Variants in ORC3 observed in about 807,000 individuals in gnomAD.
ORC3 encodes the protein homolog of latheo, Drosophila.
A neutral mutation model predicts 100.7 loss-of-function variants in ORC3; 78 were observed. The ratio of observed to expected loss-of-function variants is 0.77; its 90% CI spans 0.65 to 0.94. The LOEUF is 0.94. Ranked by LOEUF, ORC3 falls within the 40% of genes least tolerant of loss-of-function variation. ORC3 has a pLI of 0.00. For missense variants in ORC3, 789 were observed against 823.9 expected (o/e 0.96, Z 0.52); for synonymous variants, 295 against 289.3 (o/e 1.02, Z -0.20).
At chr6:87,629,367 T>A (rs994018695) in intron 11 of ORC3, among the ~76,000 whole-genome samples, 8 of 152,224 alleles carry the variant, frequency 5.3e-5, no homozygotes, top group Non-Finnish European at 1.0e-4. Flanking sequence ...TTCACCCCTA[T>A]ACATACAATT....
chr6:87,634,116 G>A (rs578042055), intron 11 of ORC3, among the ~76,000 whole-genome samples: 3 of 152,196 alleles, frequency 2.0e-5, no homozygotes, highest in Admixed American at 1.3e-4. Context: ...AAAGTGCTGG[G>A]ATTACAGGCG....
intron 14 of ORC3, among the ~76,000 whole-genome samples, chr6:87,656,597 A>AT (rs1206187654): frequency 0.013 from 1,928 of 148,564 alleles, 23 homozygotes; most frequent in African/African-American, 0.034. Flanking sequence ...AAAAAAAAAA[A>AT]TTTTTTTTTT....
chr6:87,627,022 A>G (rs907851158), intron 11 of ORC3, among the ~76,000 whole-genome samples: 1 of 149,786 alleles, frequency 6.7e-6, no homozygotes, highest in South Asian at 2.1e-4. Flanking sequence ...TTTGAGGTGG[A>G]GTTTTGTTCT....
At chr6:87,606,731 G>A (rs1778371236) in intron 5 of ORC3, among the ~76,000 whole-genome samples, 1 of 151,910 alleles carries the variant, frequency 6.6e-6, no homozygotes, top group South Asian at 2.1e-4. Flanking sequence ...TGTTGTTGTT[G>A]TTTGTAGAGA....
intron 16 of ORC3, among the ~76,000 whole-genome samples, chr6:87,659,025 G>GT (rs1190059720): frequency 2.1e-5 from 3 of 142,504 alleles, no homozygotes; most frequent in Non-Finnish European, 1.5e-5. Flanking sequence ...AGTGGGGCGG[G>GT]GGGGGGAGAA....
intron 13 of ORC3, among the ~76,000 whole-genome samples, chr6:87,646,800 C>T (rs1758173327): frequency 6.6e-6 from 1 of 152,236 alleles, no homozygotes; most frequent in Non-Finnish European, 1.5e-5. Flanking sequence ...ATACCTCTCT[C>T]CTGAGTGCCA....
rs1325165409 is a variant in ORC3 at position 87,636,460 on chromosome 6, G to C, written c.1356G>C (p.Glu452Asp). ...CLEKNIWDSEEYASVLQLLRM... is the reference protein window; with the variant it reads ...CLEKNIWDSEDYASVLQLLRM... ...AAAAGAACATATGGGATTCAGAGGA[G>C]TATGCATCAGTCTTGCAGCTGCTGA... The change falls in exon 13 of 20, where the codon GAG (glutamate) becomes GAC (aspartate). Residue 452 changes from glutamate (E) to aspartate (D), a missense_variant. Coordinates refer to ENST00000392844, the MANE Select transcript of ORC3 (RefSeq NM_012381.4). 33 of 1,611,260 alleles carry C rather than the reference G, an allele frequency of 2.0e-5. No homozygotes were observed. Among genetic ancestry groups the C allele is most frequent in the Non-Finnish European group, 2.7e-5 (32 of 1,177,524 alleles).
chr6:87,603,559 AT>A, intron 4 of ORC3, 31 bp downstream of exon 4: 8 of 1,377,100 alleles, frequency 5.8e-6, no homozygotes, highest in Non-Finnish European at 7.8e-6. Flanking sequence ...TCATGCATGC[AT>A]CTCTGTGTAT....
intron 16 of ORC3, among the ~76,000 whole-genome samples, chr6:87,658,508 A>T (rs1429808201): frequency 6.6e-6 from 1 of 152,096 alleles, no homozygotes; most frequent in Non-Finnish European, 1.5e-5. Flanking sequence ...CATTATCAAG[A>T]TGTCTAATCA....
intron 5 of ORC3, among the ~76,000 whole-genome samples, chr6:87,607,451 A>G (rs541370452): frequency 1.2e-4 from 18 of 152,256 alleles, no homozygotes; most frequent in African/African-American, 4.3e-4. Context: ...AATAAAGATA[A>G]TATACATAAG....
chr6:87,637,090 T>TA (rs1437965520), intron 13 of ORC3, among the ~76,000 whole-genome samples: 6 of 152,168 alleles, frequency 3.9e-5, no homozygotes, highest in African/African-American at 7.2e-5. Flanking sequence ...TAGTCTTCCA[T>TA]AAAAAAATGA....
chr6:87,669,128 G>A (rs1213358026), downstream of ORC3, among the ~76,000 whole-genome samples: 1 of 152,232 alleles, frequency 6.6e-6, no homozygotes, highest in South Asian at 2.1e-4. Context: ...TTGCACTCCA[G>A]CCTGGGCAGA....
At chr6:87,629,068 A>G (rs926196732) in intron 11 of ORC3, among the ~76,000 whole-genome samples, 2 of 152,202 alleles carry the variant, frequency 1.3e-5, no homozygotes, top group African/African-American at 4.8e-5. Flanking sequence ...CTCTTGCCAC[A>G]TAAGTGCTAG....
chr6:87,641,501 T>A (rs1007985930), intron 13 of ORC3, among the ~76,000 whole-genome samples: 1 of 152,024 alleles, frequency 6.6e-6, no homozygotes, highest in Non-Finnish European at 1.5e-5. Context: ...GATACCCTCC[T>A]CCCCCATCCT....
chr6:87,675,397 A>G, the ORC3 span: 1 of 638,520 alleles, frequency 1.6e-6, no homozygotes, highest in Non-Finnish European at 2.8e-6. Context: ...ACAGGTAGCA[A>G]AGGTCCACAT....
At chr6:87,664,582 C>G (rs1198621123) in intron 17 of ORC3, among the ~76,000 whole-genome samples, 161 bp from the exon 18 acceptor site, 2 of 152,124 alleles carry the variant, frequency 1.3e-5, no homozygotes, top group Non-Finnish European at 2.9e-5. Flanking sequence ...TAAACCTAAA[C>G]AAGAACTAGC....
intron 9 of ORC3, among the ~76,000 whole-genome samples, chr6:87,619,890 C>A (rs1174413606): frequency 1.3e-5 from 2 of 151,620 alleles, no homozygotes; most frequent in Non-Finnish European, 2.9e-5. Flanking sequence ...GAGACAGAGT[C>A]TCACTCTGTT....
intron 5 of ORC3, 104 bp downstream of exon 5, chr6:87,606,125 AAC>A: frequency 1.4e-6 from 1 of 695,090 alleles, no homozygotes; most frequent in Non-Finnish European, 2.6e-6. Context: ...TGGTGGAAAG[AAC>A]ACAGTGCTAT....
intron 11 of ORC3, among the ~76,000 whole-genome samples, chr6:87,627,496 A>C (rs958836515): frequency 1.8e-4 from 27 of 150,564 alleles, no homozygotes; most frequent in Non-Finnish European, 2.9e-4. Flanking sequence ...GGGTTTCACC[A>C]TGTTGGCCAG....
Sources: gnomAD v4.1 joint callset for allele counts (sites outside exome capture counted in the v4.1 genomes callset) on GRCh38, gnomAD v4.1.1 for gene constraint, MANE v1.5 for transcripts, NCBI Gene and HGNC (gene_info 2026-07-23, HGNC 2026-07-21) for gene names.